Variants in MITF observed in about 807,000 individuals in gnomAD.
MITF encodes the protein microphthalmia-associated transcription factor.
In MITF, 17 loss-of-function variants were observed where a neutral mutation model predicts 60.5. That is an observed-to-expected ratio of 0.28 (90% confidence interval 0.19 to 0.42). MITF has a LOEUF of 0.42. Among genes scored for constraint, MITF ranks in the 10% least tolerant of loss-of-function variants. The pLI is 1.00. For missense variants in MITF, 622 were observed against 683.5 expected, an observed-to-expected ratio of 0.91 and a Z score of 1.00; for synonymous variants, 260 against 248.5, an observed-to-expected ratio of 1.05 and a Z score of -0.43.
chr3:69,832,594 A>G (rs748206508), intron 1 of MITF, among the ~76,000 whole-genome samples: 1 of 152,062 alleles, frequency 6.6e-6, no homozygotes, highest in African/African-American at 2.4e-5. Flanking sequence ...CTGTTTTCCT[A>G]TGACATTGTA....
chr3:69,925,750 A>G (rs2065571352), intron 2 of MITF, among the ~76,000 whole-genome samples: 1 of 152,134 alleles, frequency 6.6e-6, no homozygotes, highest in Admixed American at 6.6e-5. Flanking sequence ...TATTCATCCA[A>G]TATGCTGGGC....
chr3:69,739,522 C>A lies in MITF; in HGVS notation c.-76C>A. The stretch of plus-strand genomic sequence containing the variant: ...GCCGGGGCGCACGGCTCGGGGGACC[C>A]AGGCCCAGCTACCTTCCCTCCGCCC... On this transcript the variant is annotated 5_prime_UTR_variant, in exon 1 of 10. Coordinates refer to ENST00000352241, the MANE Select transcript of MITF (RefSeq NM_001354604.2). 7.4e-7 allele frequency: 1 copy of A among 1,359,300 alleles called. No individual in the cohort carries two copies. The highest frequency in any genetic ancestry group is 1.0e-6 in the Non-Finnish European group (1 of 972,800). 84.2% of individuals were successfully genotyped at this position (1,359,300 alleles called of 1,614,324 possible).
intron 1 of MITF, among the ~76,000 whole-genome samples, chr3:69,755,210 A>C (rs1399058941): frequency 6.6e-6 from 1 of 152,338 alleles, no homozygotes; most frequent in South Asian, 2.1e-4. Context: ...AATGAGATAC[A>C]CTAATTGGGG....
Position 69,807,746 on chromosome 3 carries a change from C to G in MITF, c.104+68045C>G, listed in dbSNP as rs1280531569. Among the ~76,000 whole-genome samples the G allele has an allele frequency of 2.0e-5, 3 of 152,172 alleles. No individual in the cohort carries two copies. In the East Asian group the frequency reaches 5.8e-4, roughly 29 times the overall value. ...CTTTGAGGCATTGACCTCATCAAAGCAGTTAATTTTCCAATGACCCATTTT... is the reference window on the plus strand; with the variant it reads ...CTTTGAGGCATTGACCTCATCAAAGGAGTTAATTTTCCAATGACCCATTTT... On this transcript the variant is annotated intron_variant, in intron 1 of 9. Coordinates refer to ENST00000352241, the MANE Select transcript of MITF (RefSeq NM_001354604.2).
intron 5 of MITF, among the ~76,000 whole-genome samples, chr3:69,947,110 AATC>A (rs2066116281): frequency 6.6e-6 from 1 of 152,200 alleles, no homozygotes; most frequent in Admixed American, 6.5e-5. Flanking sequence ...ATCCCTAACA[AATC>A]ATCATAATAA....
At chr3:69,760,133 G>A (rs112650907) in intron 1 of MITF, among the ~76,000 whole-genome samples, 3,626 of 152,272 alleles carry the variant, frequency 0.024, 152 homozygotes, top group African/African-American at 0.083. Context: ...ATCACTTCCA[G>A]ATCTTTAAAG....
At position 69,882,740 on chromosome 3, in the gene MITF, G is replaced by A. The variant is rs142620143; in HGVS notation, c.354+3357G>A. Among the ~76,000 whole-genome samples the A allele has an allele frequency of 9.5e-3, 1,445 of 152,166 alleles. 10 individuals carry two copies. The highest frequency in any genetic ancestry group is 0.014 in the Non-Finnish European group (938 of 67,992). ...TTCAGCCTTATAGCTAAAGCATCAC[G>A]GTACAAACCACCAAGTTAATCATTT... On this transcript the variant is annotated intron_variant, in intron 2 of 9. Coordinates refer to ENST00000352241, the MANE Select transcript of MITF (RefSeq NM_001354604.2).
intron 2 of MITF, among the ~76,000 whole-genome samples, chr3:69,883,452 G>T (rs553827686): frequency 6.6e-6 from 1 of 152,172 alleles, no homozygotes; most frequent in Admixed American, 6.5e-5. Context: ...TGAGGGGAAG[G>T]GTTAATGGCT....
intron 1 of MITF, among the ~76,000 whole-genome samples, chr3:69,818,029 C>T (rs899573536): frequency 6.6e-6 from 1 of 152,052 alleles, no homozygotes; most frequent in Non-Finnish European, 1.5e-5. Flanking sequence ...GTTTTATCAG[C>T]GATAAACTTC....
intron 2 of MITF, among the ~76,000 whole-genome samples, chr3:69,884,450 A>T (rs902438772): frequency 6.6e-6 from 1 of 152,126 alleles, no homozygotes; most frequent in African/African-American, 2.4e-5. Flanking sequence ...TATCTTTAAG[A>T]ATCCCGCTTC....
At chr3:69,794,623 A>G (rs2062798754) in intron 1 of MITF, among the ~76,000 whole-genome samples, 1 of 152,230 alleles carries the variant, frequency 6.6e-6, no homozygotes, top group South Asian at 2.1e-4. Flanking sequence ...CATTAAAAAA[A>G]TAGCAGTGTC....
At chr3:69,741,529 C>CA (rs1453527516) in intron 1 of MITF, among the ~76,000 whole-genome samples, 1 of 151,910 alleles carries the variant, frequency 6.6e-6, no homozygotes, top group African/African-American at 2.4e-5. Flanking sequence ...TCAGAGTCAG[C>CA]AAAAAAGACT....
intron 1 of MITF, among the ~76,000 whole-genome samples, chr3:69,853,501 C>T (rs912570875): frequency 4.6e-5 from 7 of 151,860 alleles, no homozygotes; most frequent in Non-Finnish European, 4.4e-5. Context: ...AATACCTGTC[C>T]GTTTAGTAAA....
intron 1 of MITF, among the ~76,000 whole-genome samples, chr3:69,784,406 G>A (rs756653458): frequency 3.9e-5 from 6 of 152,104 alleles, no homozygotes; most frequent in Non-Finnish European, 8.8e-5. Context: ...AGAGAAGGGA[G>A]GAATGAAAAT....
At chr3:69,739,877 T>G (rs1408611854) in intron 1 of MITF, among the ~76,000 whole-genome samples, 176 bp downstream of exon 1, 1 of 152,002 alleles carries the variant, frequency 6.6e-6, no homozygotes, top group Non-Finnish European at 1.5e-5. Flanking sequence ...CCGGCCCAAG[T>G]GCGCCTTTAG....
Position 69,956,347 on chromosome 3 carries a change from C to T in MITF, c.956-108C>T. On this transcript the variant is annotated intron_variant, in intron 7 of 9. Transcript: ENST00000352241. ...ATAGGGAAAAAGTAGGTTCAGGTTT[C>T]CGTTGTCATGACCTGGAGAAGTTAA... The T allele has an allele frequency of 5.8e-6, 5 of 867,024 alleles. No individual in the cohort carries two copies. The South Asian group carries it at 6.9e-5, about 12-fold the overall frequency. 53.7% of individuals were successfully genotyped at this position (867,024 alleles called of 1,614,324 possible).
rs748718727 is a variant in MITF, at chr3:69,929,000, G to A, written c.355-8822G>A. ...AGGAAGCTTTATCATGTGAAGTAGG[G>A]TGGCAGGCTGTGAATCAACTGCCTG... is the stretch of plus-strand genomic sequence containing the variant. On this transcript the variant is annotated intron_variant, in intron 2 of 9. Coordinates refer to ENST00000352241, the MANE Select transcript of MITF (RefSeq NM_001354604.2). 4.6e-5 allele frequency among the ~76,000 whole-genome samples: 7 copies of A among 152,252 alleles called. No individual in the cohort carries two copies. The Middle Eastern group carries it at 0.014, about 296-fold the overall frequency.
rs1480780980 is a variant in MITF at position 69,881,865 on chromosome 3, AT to A, written c.354+2487del. Among the ~76,000 whole-genome samples the A allele has an allele frequency of 1.3e-5, 2 of 152,104 alleles. 1 individual carries two copies. Among genetic ancestry groups the A allele is most frequent in the Middle Eastern group, 6.3e-3 (2 of 316 alleles). ...AGTATGGCCTGAGTAAATTCGCTTA[AT>A]TTTTAAAGGTTTAACTTGCTAAAAC... is the stretch of plus-strand genomic sequence containing the variant. On this transcript the variant is annotated intron_variant, in intron 2 of 9. Coordinates refer to ENST00000352241, the MANE Select transcript of MITF (RefSeq NM_001354604.2).
In MITF at chr3:69,871,326, G is replaced by A. The variant is rs186750592; in HGVS notation, c.105-7808G>A. On this transcript the variant is annotated intron_variant, in intron 1 of 9. Coordinates refer to ENST00000352241, the MANE Select transcript of MITF (RefSeq NM_001354604.2). The stretch of plus-strand genomic sequence containing the variant: ...TCTTGGGGCACAAGCACATTCCTGA[G>A]TTAGTCTTTGTGACCAGAAGGATGG... Among the ~76,000 whole-genome samples the A allele has an allele frequency of 5.8e-4, 88 of 152,340 alleles. No homozygotes were observed. The Middle Eastern group carries it at 0.014, about 24-fold the overall frequency.
Sources: gnomAD v4.1 joint callset for allele counts (sites outside exome capture counted in the v4.1 genomes callset) on GRCh38, gnomAD v4.1.1 for gene constraint, MANE v1.5 for transcripts, NCBI Gene and HGNC (gene_info 2026-07-23, HGNC 2026-07-21) for gene names.